AMDHD2: variants seen among roughly 807,000 people sequenced by gnomAD.
The protein encoded by AMDHD2 is amidohydrolase domain containing 2.
A neutral mutation model predicts 41.8 loss-of-function variants in AMDHD2; 24 were observed. That is an observed-to-expected ratio of 0.57 (90% CI 0.42 to 0.81). The LOEUF is 0.81. Ranked by LOEUF, AMDHD2 falls within the 30% of genes least tolerant of loss-of-function variation. AMDHD2 has a pLI of 0.00. For synonymous variants in AMDHD2, 332 were observed against 255.5 expected (o/e 1.30, Z -2.85); for missense variants, 540 against 588.5 (o/e 0.92, Z 0.85).
rs1319529325 is a variant in AMDHD2 at position 2,529,510 on chromosome 16, G to A, written c.1177G>A (p.Ala393Thr). 8 of 1,611,670 alleles carry A rather than the reference G, an allele frequency of 5.0e-6. No individual in the cohort carries two copies. In the African/African-American group the frequency reaches 6.7e-5, roughly 13 times the overall value. ...VVLDDSLHVQATYISGELVWQ... is the reference protein window; with the variant it reads ...VVLDDSLHVQTTYISGELVWQ... Reference sequence around the variant, plus strand: ...GCTCGACGACTCCCTTCACGTCCAGGCCACCTACATCTCGGGTGAGCTGGT... The same window carrying A: ...GCTCGACGACTCCCTTCACGTCCAGACCACCTACATCTCGGGTGAGCTGGT... Residue 393 changes from alanine (A) to threonine (T), a missense_variant, in exon 11 of 11, where the codon GCC becomes ACC. Coordinates refer to ENST00000293971, the MANE Select transcript of AMDHD2 (RefSeq NM_001330449.2).
At position 2,530,910 on chromosome 16, in the gene AMDHD2, T is replaced by G. The variant is rs1468617939; in HGVS notation, c.*1347T>G. The G allele has an allele frequency of 7.4e-6, 12 of 1,613,336 alleles. No individual in the cohort carries two copies. The highest frequency in any genetic ancestry group is 1.0e-5 in the Non-Finnish European group (12 of 1,179,954). On this transcript the variant is annotated 3_prime_UTR_variant, in exon 11 of 11. Transcript: ENST00000293971. Reference sequence around the variant, plus strand: ...CTCTGCCTTGACGGCCGCGCACCCCTTAGGAAGTGGCTGTCCAGCGCCTGC... The same window carrying G: ...CTCTGCCTTGACGGCCGCGCACCCCGTAGGAAGTGGCTGTCCAGCGCCTGC...
chr16:2,529,620 G>A lies in AMDHD2; in HGVS notation c.*57G>A. 3 of 1,598,422 alleles carry A rather than the reference G, an allele frequency of 1.9e-6. No homozygotes were observed. Among genetic ancestry groups the A allele is most frequent in the South Asian group, 1.1e-5 (1 of 90,916 alleles). On this transcript the variant is annotated 3_prime_UTR_variant, in exon 11 of 11. Coordinates refer to ENST00000293971, the MANE Select transcript of AMDHD2 (RefSeq NM_001330449.2). ...CAGCGGGATGCCATCAGGGCCGGGT[G>A]GTTGGGGAGCTGGTCTCCAGGGAGT...
chr16:2,521,662 G>A (rs1335753504), intron 3 of AMDHD2, among the ~76,000 whole-genome samples: 1 of 150,406 alleles, frequency 6.6e-6, no homozygotes, highest in East Asian at 1.9e-4. Context: ...GTTCTACAGG[G>A]TTAACTTTTT....
At chr16:2,529,225 C>T (rs1487385964) in intron 10 of AMDHD2, 130 bp downstream of exon 10, 13 of 1,097,164 alleles carry the variant, frequency 1.2e-5, no homozygotes, top group Non-Finnish European at 1.3e-6. Context: ...GGGCTGCCGG[C>T]TGCCAGCCTC....
chr16:2,522,156 C>G (rs747676132), intron 3 of AMDHD2, among the ~76,000 whole-genome samples: 1 of 152,082 alleles, frequency 6.6e-6, no homozygotes, highest in East Asian at 1.9e-4. Flanking sequence ...TGGTCATAGC[C>G]CATTGCAGCC....
In AMDHD2 at chr16:2,528,389, C is replaced by A; in HGVS notation, c.862+9C>A. Reference sequence around the variant, plus strand: ...CCGTGCCCATCCCCAGGGTAAGCTGCGGCAGGTGGCCAGGACAGGTAGGAT... The same window carrying A: ...CCGTGCCCATCCCCAGGGTAAGCTGAGGCAGGTGGCCAGGACAGGTAGGAT... On this transcript the variant is annotated intron_variant, in intron 7 of 10. Coordinates refer to ENST00000293971, the MANE Select transcript of AMDHD2 (RefSeq NM_001330449.2). 6.2e-7 allele frequency: 1 copy of A among 1,612,858 alleles called. No individual in the cohort carries two copies. Among genetic ancestry groups the A allele is most frequent in the Non-Finnish European group, 8.5e-7 (1 of 1,179,930 alleles).
intron 10 of AMDHD2, 23 bp downstream of exon 10, chr16:2,529,118 C>T (rs750404467): frequency 2.0e-5 from 30 of 1,522,790 alleles, no homozygotes; most frequent in Non-Finnish European, 2.6e-5. Context: ...CGCAGGGTCA[C>T]CGGGCAGCCT....
At chr16:2,523,243 G>A (rs117204106) in intron 3 of AMDHD2, among the ~76,000 whole-genome samples, 50 of 152,268 alleles carry the variant, frequency 3.3e-4, no homozygotes, top group African/African-American at 1.0e-3. Flanking sequence ...TAATTGAGCC[G>A]TCTGTGTTCT....
chr16:2,530,066 G>C lies in AMDHD2; in HGVS notation c.*503G>C, dbSNP rs1047581601. On this transcript the variant is annotated 3_prime_UTR_variant, in exon 11 of 11. Transcript: ENST00000293971. ...TTGCTTTCTGCTCCTGAGTTGGGGT[G>C]TGCAGCGTGGAGCCCACAGCCTGGT... 5.7e-6 allele frequency: 5 copies of C among 876,190 alleles called. No homozygotes were observed. Among genetic ancestry groups the C allele is most frequent in the Middle Eastern group, 3.5e-4 (1 of 2,836 alleles). The allele number at this position is 876,190 out of a possible 1,614,324, so 54.3% of individuals were successfully genotyped here.
chr16:2,522,288 C>T (rs991117806), intron 3 of AMDHD2, among the ~76,000 whole-genome samples: 7 of 152,136 alleles, frequency 4.6e-5, no homozygotes, highest in African/African-American at 1.7e-4. Context: ...CACTGTGTTG[C>T]CCAGGCTGGT....
intron 1 of AMDHD2, 36 bp downstream of exon 1, chr16:2,520,577 G>C (rs913614326): frequency 2.4e-5 from 29 of 1,212,986 alleles, no homozygotes; most frequent in Non-Finnish European, 2.8e-5. Flanking sequence ...GCTGGGGACC[G>C]GGCGGGGTGC....
In AMDHD2 at chr16:2,520,467, C is replaced by T. The variant is rs1197476798; in HGVS notation, c.9C>T (p.Gly3=). The T allele has an allele frequency of 1.6e-6, 2 of 1,239,022 alleles. No individual in the cohort carries two copies. The highest frequency in any genetic ancestry group is 2.0e-6 in the Non-Finnish European group (2 of 984,494). The allele number at this position is 1,239,022 out of a possible 1,614,324, so 76.8% of individuals were successfully genotyped here. ...TCCCGACACGGCTCACGATGCGCGG[C>T]GAGCAGGGCGCGGCGGGGGCCCGCG... The part of the protein sequence containing the change: MR[G]EQGAAGARVL... Residue 3 remains glycine (G), a synonymous_variant, in exon 1 of 11, where the codon GGC becomes GGT. Transcript: ENST00000293971.
Position 2,521,004 on chromosome 16 carries a change from T to G in AMDHD2, c.241T>G (p.Ser81Ala). 6.2e-7 allele frequency: 1 copy of G among 1,608,940 alleles called. No homozygotes were observed. The highest frequency in any genetic ancestry group is 1.1e-5 in the South Asian group (1 of 90,322). The change falls in exon 3 of 11, where the codon TCT (serine) becomes GCT (alanine). Residue 81 changes from serine (S) to alanine (A), a missense_variant. Coordinates refer to ENST00000293971, the MANE Select transcript of AMDHD2 (RefSeq NM_001330449.2). ...TGCAGGTGGATTTGGTGTTGACTTCTCTCAAGCCACGGAGGACGTGGGTTC... is the reference window on the plus strand; with the variant it reads ...TGCAGGTGGATTTGGTGTTGACTTCGCTCAAGCCACGGAGGACGTGGGTTC... ...QINGGFGVDF[S>A]QATEDVGSGV...
chr16:2,527,921 A>C lies in AMDHD2; in HGVS notation c.564A>C (p.Pro188=). 1 of 1,597,716 alleles carries C rather than the reference A, an allele frequency of 6.3e-7. No individual in the cohort carries two copies. The highest frequency in any genetic ancestry group is 8.5e-7 in the Non-Finnish European group (1 of 1,178,654). ...LDNVRIVTLA[P]ELGRSHEVIR... is the part of the protein sequence containing the mutation. ...ATGTCCGCATCGTGACGCTGGCCCCAGAGTTGGGCCGTAGCCACGAAGTGA... is the reference window on the plus strand; with the variant it reads ...ATGTCCGCATCGTGACGCTGGCCCCCGAGTTGGGCCGTAGCCACGAAGTGA... Residue 188 remains proline, a synonymous_variant, in exon 5 of 11, where the codon CCA becomes CCC. Transcript: ENST00000293971. This position sits in a 1 kb window ranked among gnomAD's most constrained non-coding sequence, Gnocchi z 6.1.
intron 10 of AMDHD2, 27 bp from the exon 11 acceptor site, chr16:2,529,448 C>G: frequency 6.2e-7 from 1 of 1,606,966 alleles, no homozygotes; most frequent in Non-Finnish European, 8.5e-7. Flanking sequence ...ACTCCTGCCC[C>G]CTACTCATTG....
At chr16:2,522,283 T>G (rs1016542763) in intron 3 of AMDHD2, among the ~76,000 whole-genome samples, 1 of 152,218 alleles carries the variant, frequency 6.6e-6, no homozygotes, top group African/African-American at 2.4e-5. Context: ...AGTCTCACTG[T>G]GTTGCCCAGG....
intron 3 of AMDHD2, among the ~76,000 whole-genome samples, chr16:2,524,535 C>T (rs1013419978): frequency 6.6e-6 from 1 of 152,222 alleles, no homozygotes; most frequent in Non-Finnish European, 1.5e-5. Context: ...CCCTCTTGCT[C>T]CCTTCTAAAA....
Position 2,520,375 on chromosome 16 carries a change from C to G in AMDHD2, c.-84C>G, listed in dbSNP as rs1317050412. The G allele has an allele frequency of 3.6e-6, 4 of 1,124,022 alleles. No homozygotes were observed. Among genetic ancestry groups the G allele is most frequent in the East Asian group, 3.3e-5 (1 of 29,942 alleles). 69.6% of individuals were successfully genotyped at this position (1,124,022 alleles called of 1,614,324 possible). ...GCTGAAGGTCACGTGGGCGCGGTCTCAGCTCTCGGCTGGGGTTCGTCACTG... is the reference window on the plus strand; with the variant it reads ...GCTGAAGGTCACGTGGGCGCGGTCTGAGCTCTCGGCTGGGGTTCGTCACTG... On this transcript the variant is annotated 5_prime_UTR_variant, in exon 1 of 11. Transcript: ENST00000293971.
chr16:2,525,761 GTC>G lies in AMDHD2; in HGVS notation c.361-1797_361-1796del, dbSNP rs2065996008. ...CGGTTTCACCACATTAGCCAGGATG[GTC>G]TCGATCTCCTGACCTCGTGATCCGC... On this transcript the variant is annotated intron_variant, in intron 3 of 10. Transcript: ENST00000293971. Among the ~76,000 whole-genome samples the G allele has an allele frequency of 5.9e-5, 9 of 152,278 alleles. No homozygotes were observed. In the South Asian group the frequency reaches 1.9e-3, roughly 32 times the overall value.
Sources: allele counts gnomAD v4.1 joint callset (sites outside exome capture counted in the v4.1 genomes callset), GRCh38; gene constraint gnomAD v4.1.1; non-coding constraint Gnocchi (gnomAD v3.1); transcripts MANE v1.5; gene names NCBI Gene and HGNC (gene_info 2026-07-23, HGNC 2026-07-21).